Variants in ZNF723 observed in about 807,000 individuals in gnomAD.
The protein encoded by ZNF723 is zinc finger protein 723, pseudogene.
ZNF723 carries 5 observed loss-of-function variants against 9.4 expected under a neutral mutation model. That is an observed-to-expected ratio of 0.53 (90% CI 0.28 to 1.12). The LOEUF is 1.12. Ranked by LOEUF, ZNF723 falls within the 50% of genes most tolerant of loss-of-function variation. The pLI is 0.10. For synonymous variants in ZNF723, 158 were observed against 168.8 expected, an observed-to-expected ratio of 0.94 and a Z score of 0.49; for missense variants, 450 against 501.5, an observed-to-expected ratio of 0.90 and a Z score of 0.98.
the ZNF723 span, among the ~76,000 whole-genome samples, chr19:22,823,678 G>C: frequency 6.6e-6 from 1 of 152,188 alleles, no homozygotes; most frequent in Non-Finnish European, 1.5e-5. Flanking sequence ...TCCTGCCTGA[G>C]CCCAGCCCAT....
upstream of ZNF723, among the ~76,000 whole-genome samples, chr19:22,829,996 T>C (rs1421040894): frequency 6.6e-6 from 1 of 152,228 alleles, no homozygotes; most frequent in Admixed American, 6.5e-5. Context: ...GATTTGCAAA[T>C]CATTTTTTGC....
intron 3 of ZNF723, among the ~76,000 whole-genome samples, chr19:22,855,053 A>C (rs1473272698): frequency 6.6e-6 from 1 of 152,122 alleles, no homozygotes; most frequent in African/African-American, 2.4e-5. Context: ...ATCTCAAAAA[A>C]AAAAATATTC....
the ZNF723 span, among the ~76,000 whole-genome samples, chr19:22,820,780 T>C: frequency 9.2e-5 from 14 of 152,280 alleles, no homozygotes; most frequent in African/African-American, 3.4e-4. Context: ...GTGTTTCTCA[T>C]ATGCACACCC....
At chr19:22,853,374 TATC>T (rs1464247810) in intron 3 of ZNF723, among the ~76,000 whole-genome samples, 1 of 152,144 alleles carries the variant, frequency 6.6e-6, no homozygotes, top group Non-Finnish European at 1.5e-5. Flanking sequence ...TTTAGTTAAA[TATC>T]ATTAAATCTG....
At chr19:22,813,935 C>G in the ZNF723 span, among the ~76,000 whole-genome samples, 1 of 151,732 alleles carries the variant, frequency 6.6e-6, no homozygotes, top group Non-Finnish European at 1.5e-5. Flanking sequence ...CCTCAGCCAC[C>G]CGAGTAGCTG....
intron 1 of ZNF723, among the ~76,000 whole-genome samples, chr19:22,845,563 G>A (rs1249884126): frequency 1.3e-5 from 2 of 152,134 alleles, no homozygotes; most frequent in African/African-American, 4.8e-5. Context: ...TATGGACAGG[G>A]CAGTGTGGCC....
Position 22,857,123 on chromosome 19 carries a change from T to G in ZNF723, c.232T>G (p.Cys78Gly), listed in dbSNP as rs1306099483. Reference protein sequence around the residue: ...HKMVAKPPVVCSHFAQDLWPE... With the variant: ...HKMVAKPPVVGSHFAQDLWPE... ...GTTATTTCTATTTTTTTCAGTTGTG[T>G]GTTCTCATTTTGCCCAAGACCTTTG... is the stretch of plus-strand genomic sequence containing the variant. The change falls in exon 4 of 4, where the codon TGT (cysteine) becomes GGT (glycine). Residue 78 changes from cysteine to glycine, a missense_variant. By Grantham distance (159) the Cys-to-Gly change is radical. Around this residue, in one of 5 missense-constraint regions of ZNF723, gnomAD observed 143 missense variants for 101.3 expected, o/e 1.41. Transcript: ENST00000600766. The G allele has an allele frequency of 1.0e-6, 1 of 954,778 alleles. No individual in the cohort carries two copies. Among genetic ancestry groups the G allele is most frequent in the African/African-American group, 1.6e-5 (1 of 61,310 alleles). The allele number at this position is 954,778 out of a possible 1,614,324, so 59.1% of individuals were successfully genotyped here.
At chr19:22,844,123 A>G (rs1022663188) in intron 1 of ZNF723, among the ~76,000 whole-genome samples, 3 of 152,202 alleles carry the variant, frequency 2.0e-5, no homozygotes, top group Non-Finnish European at 2.9e-5. Flanking sequence ...TAAAGCTGGT[A>G]CTTACAATTT....
At chr19:22,854,713 A>G (rs937329096) in intron 3 of ZNF723, among the ~76,000 whole-genome samples, 1 of 152,156 alleles carries the variant, frequency 6.6e-6, no homozygotes, top group Non-Finnish European at 1.5e-5. Flanking sequence ...ATATGAGAAT[A>G]TATTTTAATC....
At chr19:22,818,394 G>A in the ZNF723 span, among the ~76,000 whole-genome samples, 4 of 152,092 alleles carry the variant, frequency 2.6e-5, no homozygotes, top group African/African-American at 9.7e-5. Flanking sequence ...TTGAATAATT[G>A]ACTCTCATAC....
chr19:22,853,627 T>C (rs986069174), intron 3 of ZNF723, among the ~76,000 whole-genome samples: 3 of 152,140 alleles, frequency 2.0e-5, no homozygotes, highest in Admixed American at 6.6e-5. Context: ...CGTGTGAGTA[T>C]TTATTTATTT....
At chr19:22,855,628 T>C (rs1029502534) in intron 3 of ZNF723, among the ~76,000 whole-genome samples, 1 of 152,196 alleles carries the variant, frequency 6.6e-6, no homozygotes, top group African/African-American at 2.4e-5. Context: ...TTTCAGAATT[T>C]GATTACTTTG....
At chr19:22,854,508 T>A (rs1416256148) in intron 3 of ZNF723, among the ~76,000 whole-genome samples, 2 of 148,246 alleles carry the variant, frequency 1.3e-5, no homozygotes, top group East Asian at 3.9e-4. Context: ...TATATTTAAA[T>A]AATTTTCTGA....
intron 3 of ZNF723, among the ~76,000 whole-genome samples, chr19:22,854,083 TA>T (rs796949133): frequency 8.7e-6 from 1 of 115,480 alleles, no homozygotes; most frequent in Non-Finnish European, 1.9e-5. Flanking sequence ...CTACTATAAT[TA>T]TATTGCTCTC....
the ZNF723 span, among the ~76,000 whole-genome samples, chr19:22,819,342 T>C: frequency 6.6e-6 from 1 of 152,228 alleles, no homozygotes; most frequent in African/African-American, 2.4e-5. Flanking sequence ...ATGACTGTCC[T>C]CTTCTGCCTG....
At chr19:22,834,599 A>C (rs999175873) in intron 1 of ZNF723, among the ~76,000 whole-genome samples, 126 of 152,216 alleles carry the variant, frequency 8.3e-4, no homozygotes, top group African/African-American at 3.0e-3. Context: ...CCATAGGACA[A>C]CCTGAGGTAT....
chr19:22,823,049 A>G, the ZNF723 span, among the ~76,000 whole-genome samples: 3 of 152,142 alleles, frequency 2.0e-5, no homozygotes, highest in Non-Finnish European at 4.4e-5. Flanking sequence ...TCTGTATCCA[A>G]CTCACAGGCA....
chr19:22,836,695 G>A (rs1967172456), intron 1 of ZNF723, among the ~76,000 whole-genome samples: 1 of 152,138 alleles, frequency 6.6e-6, no homozygotes, highest in African/African-American at 2.4e-5. Flanking sequence ...TGATTAACAA[G>A]TATTCTATTT....
chr19:22,842,002 T>TTTG (rs59309724), intron 1 of ZNF723, among the ~76,000 whole-genome samples: 21,512 of 151,884 alleles, frequency 0.14, 1,489 homozygotes, highest in East Asian at 0.18. Context: ...TGAACTATGT[T>TTTG]TTGTTGTTGT....
Sources: gnomAD v4.1 joint callset for allele counts (sites outside exome capture counted in the v4.1 genomes callset) on GRCh38, gnomAD v4.1.1 for gene constraint, gnomAD v4.1.1 regional missense constraint, MANE v1.5 for transcripts, NCBI Gene and HGNC (gene_info 2026-07-23, HGNC 2026-07-21) for gene names.